Variants in MCUR1 observed in about 807,000 individuals in gnomAD.
The protein encoded by MCUR1 is MCU regulator 1.
MCUR1 carries 37 observed loss-of-function variants against 42.0 expected under a neutral mutation model. The observed-to-expected ratio is 0.88, with a 90% confidence interval of 0.68 to 1.16. The LOEUF (loss-of-function observed/expected upper bound fraction) is 1.16. Among genes scored for constraint, MCUR1 ranks in the 50% most tolerant of loss-of-function variants. The probability of loss-of-function intolerance (pLI) is 0.00; values close to 1 mark genes in which losing one functional copy is unlikely to be tolerated. For missense variants in MCUR1, 469 were observed against 468.4 expected (o/e 1.00, Z -0.01); for synonymous variants, 229 against 196.2 (o/e 1.17, Z -1.40).
intron 2 of MCUR1, 76 bp from the exon 3 acceptor site, chr6:13,802,422 A>C: frequency 8.6e-7 from 1 of 1,161,864 alleles, no homozygotes; most frequent in Non-Finnish European, 1.3e-6. Flanking sequence ...ATTCATGTGA[A>C]TGTCCAAATC....
At chr6:13,792,028 A>G in intron 7 of MCUR1, 36 bp from the exon 8 acceptor site, 4 of 1,514,238 alleles carry the variant, frequency 2.6e-6, no homozygotes, top group Non-Finnish European at 3.7e-6. Context: ...GTTAGACCAC[A>G]GCACGTCCCC....
intron 1 of MCUR1, among the ~76,000 whole-genome samples, chr6:13,813,151 T>C (rs1283835762): frequency 1.3e-5 from 2 of 152,238 alleles, no homozygotes; most frequent in Non-Finnish European, 2.9e-5. Context: ...TCTAGGTGTG[T>C]AGTAGGCTGT....
intron 6 of MCUR1, among the ~76,000 whole-genome samples, chr6:13,796,603 G>T (rs1385812804): frequency 2.6e-5 from 4 of 151,970 alleles, no homozygotes; most frequent in Non-Finnish European, 5.9e-5. Flanking sequence ...TTTCATTTTG[G>T]TTTAAAGACT....
intron 6 of MCUR1, among the ~76,000 whole-genome samples, chr6:13,796,684 G>A (rs1759864906): frequency 6.6e-6 from 1 of 152,160 alleles, no homozygotes; most frequent in South Asian, 2.1e-4. Flanking sequence ...CTTAAAATGA[G>A]TAAAATCTAA....
chr6:13,797,974 C>G (rs1054297336), intron 6 of MCUR1, among the ~76,000 whole-genome samples: 1 of 151,676 alleles, frequency 6.6e-6, no homozygotes, highest in African/African-American at 2.4e-5. Flanking sequence ...AGTGGGCAGA[C>G]ACGGTGCCAC....
intron 6 of MCUR1, among the ~76,000 whole-genome samples, chr6:13,797,985 T>C (rs1759895023): frequency 6.6e-6 from 1 of 151,888 alleles, no homozygotes; most frequent in Admixed American, 6.6e-5. Context: ...ACGGTGCCAC[T>C]GCACTCCGGC....
rs760592117 is a variant in MCUR1, at chr6:13,791,964, TG to T, written c.937del (p.Gln313ArgfsTer28). 2.5e-6 allele frequency: 4 copies of T among 1,614,088 alleles called. No individual in the cohort carries two copies. The highest frequency in any genetic ancestry group is 1.7e-5 in the Admixed American group (1 of 60,004). ...CTCAGTTTCGATCTTCCTGTCTGTC[TG>T]GGTAAGGGCCCGATCTTGCTGGGCA... The part of the protein sequence containing the change: ...LHAQQDRALT[Q>X]TDRKIETEVA... On this transcript the variant is annotated frameshift_variant, in exon 8 of 9. Coordinates refer to ENST00000379170, the MANE Select transcript of MCUR1 (RefSeq NM_001031713.4). LOFTEE classifies it high-confidence loss of function.
At chr6:13,802,043 A>C (rs1350654355) in intron 3 of MCUR1, among the ~76,000 whole-genome samples, 200 bp downstream of exon 3, 1 of 152,228 alleles carries the variant, frequency 6.6e-6, no homozygotes, top group Non-Finnish European at 1.5e-5. Context: ...GCTTTCAAGC[A>C]TAACGATTCT....
At position 13,801,371 on chromosome 6, in the gene MCUR1, C is replaced by T. The variant is rs748819315; in HGVS notation, c.658G>A (p.Val220Ile). The change falls in exon 4 of 9, where the codon GTA becomes ATA. Residue 220 changes from valine (V) to isoleucine (I), a missense_variant. By Grantham distance (29) the Val-to-Ile change is conservative (BLOSUM62 3). Transcript: ENST00000379170. ...KMQQEITFQQ[V>I]MSQIANVKKD... ...TTCACATTCGCAATCTGAGACATTA[C>T]TTGCTGAAAAGTGATTTCCTAGGAA... 4.3e-6 allele frequency: 7 copies of T among 1,611,336 alleles called. No homozygotes were observed. In the Admixed American group the frequency reaches 8.3e-5, roughly 19 times the overall value.
rs564927790 is a variant in MCUR1, at chr6:13,814,430, C to G, written c.-1G>C. 2 of 1,526,886 alleles carry G rather than the reference C, an allele frequency of 1.3e-6. No individual in the cohort carries two copies. Among genetic ancestry groups the G allele is most frequent in the Non-Finnish European group, 1.7e-6 (2 of 1,147,896 alleles). 94.6% of individuals were successfully genotyped at this position (1,526,886 alleles called of 1,614,324 possible). A position where few individuals can be genotyped will look rare whatever the true frequency, so the allele number is the denominator to read the frequency against. On this transcript the variant is annotated 5_prime_UTR_variant, in exon 1 of 9. Coordinates refer to ENST00000379170, the MANE Select transcript of MCUR1 (RefSeq NM_001031713.4). The stretch of plus-strand genomic sequence containing the variant: ...GGCCGCCGACCGAGCCGCAGTCCAT[C>G]CCCGAGCAGTTCACTGGCCCGGGCG...
rs146373891 is a variant in MCUR1, at chr6:13,789,486, G to A, written c.*1323C>T. 5.3e-5 allele frequency: 8 copies of A among 152,174 alleles called. No individual in the cohort carries two copies. The highest frequency in any genetic ancestry group is 1.7e-4 in the African/African-American group (7 of 41,502). The allele number at this position is 152,174 out of a possible 1,614,324, so 9.4% of individuals were successfully genotyped here. A position where few individuals can be genotyped will look rare whatever the true frequency, so the allele number is the denominator to read the frequency against. On this transcript the variant is annotated 3_prime_UTR_variant, in exon 9 of 9. Transcript: ENST00000379170. ...GTTTTCAATATAAAGGCAGGTATGA[G>A]AATGTTTTGAACAACAGAATTAATC...
At chr6:13,802,136 A>G in intron 3 of MCUR1, 107 bp downstream of exon 3, 1 of 749,536 alleles carries the variant, frequency 1.3e-6, no homozygotes, top group Middle Eastern at 3.8e-4. Context: ...AAAAGTTACT[A>G]TATACTTTTC....
intron 5 of MCUR1, 58 bp downstream of exon 5, chr6:13,800,283 C>T: frequency 1.8e-6 from 2 of 1,131,632 alleles, no homozygotes; most frequent in Non-Finnish European, 2.5e-6. Flanking sequence ...TAATATTATA[C>T]TTATTAATAA....
At chr6:13,804,611 A>G (rs1048731256) in intron 2 of MCUR1, among the ~76,000 whole-genome samples, 1 of 151,668 alleles carries the variant, frequency 6.6e-6, no homozygotes, top group Non-Finnish European at 1.5e-5. Flanking sequence ...CGTCTCTACT[A>G]AAAATACAAA....
rs1675548374 is a variant in MCUR1 at position 13,787,388 on chromosome 6, G to A, written c.*3421C>T. On this transcript the variant is annotated 3_prime_UTR_variant, in exon 9 of 9. Coordinates refer to ENST00000379170, the MANE Select transcript of MCUR1 (RefSeq NM_001031713.4). ...GAAAAAGCGAGTACATTCAGATTTA[G>A]TTTTGCTAGATATTAAACTAGAAAA... is the stretch of plus-strand genomic sequence containing the variant. The A allele has an allele frequency of 6.6e-6, 1 of 152,142 alleles. No homozygotes were observed. The highest frequency in any genetic ancestry group is 1.5e-5 in the Non-Finnish European group (1 of 68,024). The allele number at this position is 152,142 out of a possible 1,614,324, so 9.4% of individuals were successfully genotyped here. A position where few individuals can be genotyped will look rare whatever the true frequency, so the allele number is the denominator to read the frequency against.
At chr6:13,812,625 C>T (rs1389980364) in intron 1 of MCUR1, among the ~76,000 whole-genome samples, 1 of 152,166 alleles carries the variant, frequency 6.6e-6, no homozygotes, top group Admixed American at 6.5e-5. Flanking sequence ...CTACTCATTC[C>T]CCACTCTCTG....
chr6:13,813,792 C>G (rs1423904111), intron 1 of MCUR1, among the ~76,000 whole-genome samples: 1 of 152,202 alleles, frequency 6.6e-6, no homozygotes, highest in Admixed American at 6.5e-5. Flanking sequence ...CTTTAGCGCC[C>G]GGGATTCCCA....
Position 13,807,043 on chromosome 6 carries a change from C to A in MCUR1, c.417G>T (p.Glu139Asp). Residue 139 changes from glutamate to aspartate, a missense_variant and splice_region_variant, in exon 2 of 9, where the codon GAG (glutamate) becomes GAT (aspartate). Coordinates refer to ENST00000379170, the MANE Select transcript of MCUR1 (RefSeq NM_001031713.4). The part of the protein sequence containing the change: ...PAPALVSCRR[E>D]LSLSAGSLQL... The stretch of plus-strand genomic sequence containing the variant: ...GCAGGGATCCAGCAGACAAGCTTAG[C>A]TCTAGGGTGGAAAGGACAGTAAGCT... 1 of 1,605,330 alleles carries A rather than the reference C, an allele frequency of 6.2e-7. No homozygotes were observed.
intron 6 of MCUR1, among the ~76,000 whole-genome samples, chr6:13,797,363 T>C (rs1260849154): frequency 1.3e-5 from 2 of 152,278 alleles, no homozygotes; most frequent in African/African-American, 4.8e-5. Context: ...GACGGCTGAA[T>C]ATTCAGACAG....
Sources: gnomAD v4.1 joint callset for allele counts (sites outside exome capture counted in the v4.1 genomes callset) on GRCh38, gnomAD v4.1.1 for gene constraint, MANE v1.5 for transcripts, NCBI Gene and HGNC (gene_info 2026-07-23, HGNC 2026-07-21) for gene names.